Variants in GPATCH2 observed in about 807,000 individuals in gnomAD.
GPATCH2 encodes G-patch domain containing 2.
Under a neutral mutation model 58.0 loss-of-function variants are expected in GPATCH2, and 51 were observed. The ratio of observed to expected loss-of-function variants is 0.88; its 90% CI spans 0.70 to 1.11. The LOEUF is 1.11. Among genes scored for constraint, GPATCH2 ranks in the 50% most tolerant of loss-of-function variants. The probability of loss-of-function intolerance (pLI) is 0.00; values close to 1 mark genes in which losing one functional copy is unlikely to be tolerated. For synonymous variants in GPATCH2, 222 were observed against 218.5 expected, an observed-to-expected ratio of 1.02 and a Z score of -0.14; for missense variants, 625 against 652.2, an observed-to-expected ratio of 0.96 and a Z score of 0.45.
At chr1:217,617,972 A>AG (rs1274319114) in intron 2 of GPATCH2, among the ~76,000 whole-genome samples, 3 of 151,964 alleles carry the variant, frequency 2.0e-5, no homozygotes, top group African/African-American at 7.2e-5. Flanking sequence ...ACTAAAAAAA[A>AG]GGGGGGGAGC....
chr1:217,540,353 T>C (rs988716088), intron 5 of GPATCH2, among the ~76,000 whole-genome samples: 3 of 152,174 alleles, frequency 2.0e-5, no homozygotes, highest in Admixed American at 2.0e-4. Flanking sequence ...AGGCTGTTCC[T>C]GTATTTTCCC....
At chr1:217,478,822 A>G (rs1257307597) in intron 8 of GPATCH2, among the ~76,000 whole-genome samples, 2 of 152,310 alleles carry the variant, frequency 1.3e-5, no homozygotes, top group South Asian at 2.1e-4. Flanking sequence ...ACCTCAAAAC[A>G]TTTAATAATC....
chr1:217,598,479 C>T (rs987886305), intron 5 of GPATCH2, among the ~76,000 whole-genome samples: 2 of 151,730 alleles, frequency 1.3e-5, no homozygotes, highest in African/African-American at 2.4e-5. Flanking sequence ...GACAGAGTCT[C>T]GCTCTGTTGC....
At chr1:217,590,924 T>C (rs1395068334) in intron 5 of GPATCH2, among the ~76,000 whole-genome samples, 1 of 152,202 alleles carries the variant, frequency 6.6e-6, no homozygotes, top group African/African-American at 2.4e-5. Flanking sequence ...GAGGTTATTC[T>C]GCATCAGCTA....
rs187327541 is a variant in GPATCH2, at chr1:217,526,133, C to A, written c.1099-11244G>T. Among the ~76,000 whole-genome samples the A allele has an allele frequency of 3.9e-3, 598 of 152,238 alleles. 7 individuals carry two copies. Among genetic ancestry groups the A allele is most frequent in the African/African-American group, 0.014 (572 of 41,528 alleles). Reference sequence around the variant, plus strand: ...TAATTTACATCAGGGGAAAAAATTACAGCTGGTTTTTATAATTAAAAGAGC... The same window carrying A: ...TAATTTACATCAGGGGAAAAAATTAAAGCTGGTTTTTATAATTAAAAGAGC... On this transcript the variant is annotated intron_variant, in intron 5 of 9. Coordinates refer to ENST00000366935, the MANE Select transcript of GPATCH2 (RefSeq NM_018040.5).
chr1:217,571,703 C>CAAAAAAAAAAAAAAAAAAAAAAA (rs11463536), intron 5 of GPATCH2, among the ~76,000 whole-genome samples: 21 of 73,770 alleles, frequency 2.8e-4, no homozygotes, highest in East Asian at 1.0e-3. Flanking sequence ...AAAACGAAAC[C>CAAAAAAAAAAAAAAAAAAAAAAA]AAAAAAAAAA....
rs140892368 is a variant in GPATCH2 at position 217,472,975 on chromosome 1, C to T, written c.1277+18705G>A. 2.0e-3 allele frequency among the ~76,000 whole-genome samples: 307 copies of T among 152,168 alleles called. 2 individuals carry two copies. Among genetic ancestry groups the T allele is most frequent in the African/African-American group, 7.1e-3 (294 of 41,522 alleles). ...TCTTTCACCACTAAGGTATATAACC[C>T]AGGGCATGCTAACTTTCTGGATCCC... is the stretch of plus-strand genomic sequence containing the variant. On this transcript the variant is annotated intron_variant, in intron 8 of 9. Transcript: ENST00000366935.
chr1:217,450,580 CA>C (rs1659616682), intron 8 of GPATCH2, among the ~76,000 whole-genome samples: 1 of 152,046 alleles, frequency 6.6e-6, no homozygotes, highest in South Asian at 2.1e-4. Flanking sequence ...CATATCTTAA[CA>C]GTAAATGAGC....
Position 217,549,404 on chromosome 1 carries a change from A to G in GPATCH2, c.1099-34515T>C, listed in dbSNP as rs192795088. Reference sequence around the variant, plus strand: ...TATTTGGGAAATGAAGATGGCAAATACTGCTTTGCAATGAAAATGCTCCAG... The same window carrying G: ...TATTTGGGAAATGAAGATGGCAAATGCTGCTTTGCAATGAAAATGCTCCAG... On this transcript the variant is annotated intron_variant, in intron 5 of 9. Transcript: ENST00000366935. Among the ~76,000 whole-genome samples the G allele has an allele frequency of 1.7e-3, 261 of 152,316 alleles. 2 individuals are homozygous for G. The highest frequency in any genetic ancestry group is 6.1e-3 in the African/African-American group (254 of 41,584).
chr1:217,498,358 G>C lies in GPATCH2; in HGVS notation c.1204C>G (p.Gln402Glu). The change falls in exon 7 of 10, where the codon CAG (glutamine) becomes GAG (glutamate). Residue 402 changes from glutamine (Q) to glutamate (E), a missense_variant and splice_region_variant. Coordinates refer to ENST00000366935, the MANE Select transcript of GPATCH2 (RefSeq NM_018040.5). ...TTTTGGATTACAATGGTCCTTACCT[G>C]GTCATGCTCTGTCCTAGCCCCAGGG... ...FSPGARTEHD[Q>E]HQLLRDNRAE... is the part of the protein sequence containing the mutation. 6.2e-7 allele frequency: 1 copy of C among 1,610,830 alleles called. No individual in the cohort carries two copies. The highest frequency in any genetic ancestry group is 8.5e-7 in the Non-Finnish European group (1 of 1,176,988).
At chr1:217,459,316 C>G (rs1660095757) in intron 8 of GPATCH2, among the ~76,000 whole-genome samples, 1 of 152,010 alleles carries the variant, frequency 6.6e-6, no homozygotes, top group Admixed American at 6.5e-5. Flanking sequence ...GTAATAAATC[C>G]ACAGGGCTAT....
At chr1:217,517,787 TAAG>T (rs967769549) in intron 5 of GPATCH2, among the ~76,000 whole-genome samples, 50 of 152,262 alleles carry the variant, frequency 3.3e-4, no homozygotes, top group Middle Eastern at 3.4e-3. Context: ...TCACAAATTT[TAAG>T]AAGTTGTTTC....
At chr1:217,440,686 C>G (rs1659092287) in intron 9 of GPATCH2, among the ~76,000 whole-genome samples, 1 of 152,154 alleles carries the variant, frequency 6.6e-6, no homozygotes. Context: ...AATCAATGTG[C>G]AAAAATCACA....
intron 5 of GPATCH2, among the ~76,000 whole-genome samples, chr1:217,570,469 C>G (rs543884693): frequency 1.1e-3 from 168 of 152,152 alleles, no homozygotes; most frequent in Non-Finnish European, 2.2e-3. Context: ...TTTCCCAACT[C>G]AAATGCTGCT....
intron 5 of GPATCH2, among the ~76,000 whole-genome samples, chr1:217,599,328 GA>G (rs1453627402): frequency 6.6e-6 from 1 of 151,968 alleles, no homozygotes; most frequent in African/African-American, 2.4e-5. Flanking sequence ...TTACAGGCAG[GA>G]AAATCAAAAG....
At chr1:217,494,365 A>G (rs1459776132) in intron 7 of GPATCH2, among the ~76,000 whole-genome samples, 1 of 152,224 alleles carries the variant, frequency 6.6e-6, no homozygotes, top group Non-Finnish European at 1.5e-5. Flanking sequence ...TCACAAGTTA[A>G]TATGTGAGCT....
intron 5 of GPATCH2, among the ~76,000 whole-genome samples, chr1:217,605,282 T>C (rs1571640288): frequency 6.6e-6 from 1 of 152,342 alleles, no homozygotes; most frequent in East Asian, 1.9e-4. Flanking sequence ...ATTATTGTGT[T>C]CAGGGTTTTT....
chr1:217,518,327 T>C (rs1663278377), intron 5 of GPATCH2, among the ~76,000 whole-genome samples: 1 of 152,174 alleles, frequency 6.6e-6, no homozygotes, highest in East Asian at 1.9e-4. Context: ...GAGGTCAATA[T>C]GTACCAATAT....
intron 5 of GPATCH2, among the ~76,000 whole-genome samples, chr1:217,566,753 A>G (rs1398165028): frequency 6.6e-6 from 1 of 152,248 alleles, no homozygotes; most frequent in Non-Finnish European, 1.5e-5. Context: ...CCTTAAAAGT[A>G]TGTTAAAATA....
Sources: allele counts gnomAD v4.1 joint callset (sites outside exome capture counted in the v4.1 genomes callset), GRCh38; gene constraint gnomAD v4.1.1; transcripts MANE v1.5; gene names NCBI Gene and HGNC (gene_info 2026-07-23, HGNC 2026-07-21).